Variants in SPOCK3 observed in about 807,000 individuals in gnomAD.
SPOCK3 encodes SPARC (osteonectin), cwcv and kazal like domains proteoglycan 3.
Under a neutral mutation model 56.6 loss-of-function variants are expected in SPOCK3, and 30 were observed. That is an observed-to-expected ratio of 0.53 (90% CI 0.40 to 0.72). SPOCK3 has a LOEUF of 0.72. Ranked by LOEUF, SPOCK3 falls within the 30% of genes least tolerant of loss-of-function variation. SPOCK3 has a pLI of 0.00. For synonymous variants in SPOCK3, 196 were observed against 183.3 expected (o/e 1.07, Z -0.56); for missense variants, 527 against 530.0 (o/e 0.99, Z 0.06).
chr4:167,059,824 A>C (rs1455609806), intron 3 of SPOCK3, among the ~76,000 whole-genome samples: 1 of 152,230 alleles, frequency 6.6e-6, no homozygotes, highest in Non-Finnish European at 1.5e-5. Context: ...ATGCAGCCAT[A>C]AAAAATGATG....
intron 2 of SPOCK3, among the ~76,000 whole-genome samples, chr4:167,077,321 T>TG (rs1757286548): frequency 1.3e-5 from 2 of 151,660 alleles, no homozygotes; most frequent in Admixed American, 6.6e-5. Flanking sequence ...AATCCTGCAT[T>TG]GCCTACTATT....
At chr4:166,902,999 C>A (rs1736219578) in intron 5 of SPOCK3, among the ~76,000 whole-genome samples, 1 of 150,020 alleles carries the variant, frequency 6.7e-6, no homozygotes, top group African/African-American at 2.4e-5. Context: ...CTTGTTCTTG[C>A]TGTTGGCATT....
chr4:166,957,199 A>C (rs924622237), intron 4 of SPOCK3, among the ~76,000 whole-genome samples: 1 of 152,208 alleles, frequency 6.6e-6, no homozygotes, highest in Non-Finnish European at 1.5e-5. Context: ...AGTGGCAGTG[A>C]GCCAAGATCA....
intron 2 of SPOCK3, among the ~76,000 whole-genome samples, chr4:167,167,881 G>A (rs1730129119): frequency 6.6e-6 from 1 of 152,124 alleles, no homozygotes; most frequent in African/African-American, 2.4e-5. Context: ...ATCTCAGCTT[G>A]AATTGTAATA....
chr4:166,850,685 G>C (rs146096716), intron 6 of SPOCK3, among the ~76,000 whole-genome samples: 7 of 152,188 alleles, frequency 4.6e-5, no homozygotes, highest in Non-Finnish European at 7.3e-5. Context: ...GTTCCCTTTC[G>C]TAGTCAAAGA....
intron 6 of SPOCK3, among the ~76,000 whole-genome samples, chr4:166,816,890 G>T (rs1228293838): frequency 1.3e-5 from 2 of 151,972 alleles, no homozygotes; most frequent in Non-Finnish European, 2.9e-5. Context: ...AATGGGAGGG[G>T]TTTGATGCCC....
intron 3 of SPOCK3, among the ~76,000 whole-genome samples, chr4:167,039,370 A>G (rs188774216): frequency 1.3e-5 from 2 of 152,342 alleles, no homozygotes; most frequent in East Asian, 1.9e-4. Flanking sequence ...CTGCGGGGAC[A>G]TAACTCCATC....
At chr4:167,116,651 C>CGTATATACTATATACGTATATATAT (rs1561233875) in intron 2 of SPOCK3, among the ~76,000 whole-genome samples, 33 of 81,466 alleles carry the variant, frequency 4.1e-4, no homozygotes, top group Admixed American at 1.5e-3. Context: ...TATATATATA[C>CGTATATACTATATACGTATATATAT]ACATATATAC....
At chr4:166,841,016 G>A (rs1747228350) in intron 6 of SPOCK3, among the ~76,000 whole-genome samples, 1 of 151,552 alleles carries the variant, frequency 6.6e-6, no homozygotes, top group African/African-American at 2.4e-5. Flanking sequence ...CTGACCTCAT[G>A]ATCCGCCAGC....
At chr4:167,061,389 A>C (rs1190155118) in intron 3 of SPOCK3, among the ~76,000 whole-genome samples, 1 of 152,012 alleles carries the variant, frequency 6.6e-6, no homozygotes, top group Non-Finnish European at 1.5e-5. Flanking sequence ...GAATTTTAAA[A>C]TGCTGATCTC....
chr4:167,064,306 T>G (rs1755894055), intron 2 of SPOCK3, among the ~76,000 whole-genome samples: 1 of 151,778 alleles, frequency 6.6e-6, no homozygotes, highest in African/African-American at 2.4e-5. Context: ...ATTATAGCAA[T>G]CTATACACAT....
At chr4:166,898,453 C>T (rs1735653134) in intron 5 of SPOCK3, among the ~76,000 whole-genome samples, 1 of 151,978 alleles carries the variant, frequency 6.6e-6, no homozygotes, top group Non-Finnish European at 1.5e-5. Context: ...GGCACCCAAC[C>T]CAAGTCACTG....
At chr4:167,055,461 G>A (rs556680379) in intron 3 of SPOCK3, among the ~76,000 whole-genome samples, 1 of 152,228 alleles carries the variant, frequency 6.6e-6, no homozygotes, top group African/African-American at 2.4e-5. Flanking sequence ...CAGGACAGTG[G>A]GTGCAGCACA....
At chr4:166,997,640 T>G (rs7689816) in intron 4 of SPOCK3, among the ~76,000 whole-genome samples, 2,530 of 152,254 alleles carry the variant, frequency 0.017, 64 homozygotes, top group African/African-American at 0.057. Context: ...ATAAGACACC[T>G]TCACTGAGCT....
chr4:167,103,872 A>G (rs1759865705), intron 2 of SPOCK3, among the ~76,000 whole-genome samples: 1 of 152,108 alleles, frequency 6.6e-6, no homozygotes, highest in Non-Finnish European at 1.5e-5. Context: ...CTCATGCCCA[A>G]CTCCAGGCAG....
chr4:167,162,965 T>G (rs1161978982), intron 2 of SPOCK3, among the ~76,000 whole-genome samples: 5 of 151,952 alleles, frequency 3.3e-5, no homozygotes, highest in Non-Finnish European at 7.4e-5. Flanking sequence ...TTAGTTTTTT[T>G]ATTTATAATT....
At chr4:166,802,780 T>C (rs748975700) in intron 6 of SPOCK3, among the ~76,000 whole-genome samples, 26 of 152,232 alleles carry the variant, frequency 1.7e-4, no homozygotes, top group Admixed American at 3.3e-4. Context: ...AAAATAAATA[T>C]GTTCACACAT....
intron 6 of SPOCK3, among the ~76,000 whole-genome samples, chr4:166,838,927 A>C (rs904779373): frequency 2.3e-4 from 35 of 150,754 alleles, no homozygotes; most frequent in Non-Finnish European, 3.7e-4. Context: ...GTGCCACTGC[A>C]CTCTAGCCTA....
chr4:167,021,853 T>C (rs1366549927), intron 3 of SPOCK3, among the ~76,000 whole-genome samples: 1 of 151,992 alleles, frequency 6.6e-6, no homozygotes, highest in African/African-American at 2.4e-5. Context: ...TTTTTTAATC[T>C]CTCAGTAATA....
Sources: allele counts gnomAD v4.1 joint callset (sites outside exome capture counted in the v4.1 genomes callset), GRCh38; gene constraint gnomAD v4.1.1; transcripts MANE v1.5; gene names NCBI Gene and HGNC (gene_info 2026-07-23, HGNC 2026-07-21).